The following GALNT18 variants were observed in gnomAD, a reference collection of about 807,000 sequenced individuals.
GALNT18 encodes the protein polypeptide N-acetylgalactosaminyltransferase 18.
Under a neutral mutation model 69.5 loss-of-function variants are expected in GALNT18, and 44 were observed. The ratio of observed to expected loss-of-function variants is 0.63; its 90% CI spans 0.50 to 0.81. The LOEUF (loss-of-function observed/expected upper bound fraction) is 0.81, where lower values mean the gene tolerates loss of function less well. Ranked by LOEUF, GALNT18 falls within the 40% of genes least tolerant of loss-of-function variation. The probability of loss-of-function intolerance (pLI) is 0.00; values close to 1 mark genes in which losing one functional copy is unlikely to be tolerated. For missense variants in GALNT18, 715 were observed against 810.0 expected (o/e 0.88, Z 1.42); for synonymous variants, 364 against 318.2 (o/e 1.14, Z -1.53).
At chr11:11,393,759 C>A (rs915520355) in intron 3 of GALNT18, among the ~76,000 whole-genome samples, 2 of 152,232 alleles carry the variant, frequency 1.3e-5, no homozygotes, top group South Asian at 2.1e-4. Flanking sequence ...CTTCTCACTG[C>A]GCCTTTCAGC....
At chr11:11,434,458 T>C (rs117881227) in intron 2 of GALNT18, among the ~76,000 whole-genome samples, 8 of 152,272 alleles carry the variant, frequency 5.3e-5, no homozygotes, top group Non-Finnish European at 7.4e-5. Flanking sequence ...ATGGAGCTTA[T>C]GCTTTGACAG....
rs1339713679 is a variant in GALNT18 at position 11,340,583 on chromosome 11, A to G, written c.1278+236T>C. Among the ~76,000 whole-genome samples, 13 of 152,232 alleles carry G rather than the reference A, an allele frequency of 8.5e-5. No individual in the cohort carries two copies. The highest frequency in any genetic ancestry group is 7.8e-4 in the Admixed American group (12 of 15,290). On this transcript the variant is annotated intron_variant, in intron 7 of 10. Transcript: ENST00000227756. This position sits in a 1 kb window ranked among gnomAD's most constrained non-coding sequence, Gnocchi z 4.2. Reference sequence around the variant, plus strand: ...ATTTAAAATTAGGACACTAAGATCCAGAGAGAAGTCCTCATCAAGCATGCT... The same window carrying G: ...ATTTAAAATTAGGACACTAAGATCCGGAGAGAAGTCCTCATCAAGCATGCT...
At chr11:11,357,532 C>T (rs1850556558) in intron 6 of GALNT18, among the ~76,000 whole-genome samples, 1 of 152,220 alleles carries the variant, frequency 6.6e-6, no homozygotes, top group African/African-American at 2.4e-5. Context: ...CCAACTATTC[C>T]CCCCAAAGCC....
Position 11,603,412 on chromosome 11 carries a change from A to G in GALNT18, c.235+17947T>C, listed in dbSNP as rs2133949238. 6.6e-6 allele frequency among the ~76,000 whole-genome samples: 1 copy of G among 152,242 alleles called. No individual in the cohort carries two copies. Among genetic ancestry groups the G allele is most frequent in the South Asian group, 2.1e-4 (1 of 4,816 alleles). On this transcript the variant is annotated intron_variant, in intron 1 of 10. Transcript: ENST00000227756. The surrounding 1 kb of genome is among the most constrained non-coding windows in gnomAD (Gnocchi z 4.5). ...AGTGTGGCCTGCCAAAGGTGGGGGAATGTATAGGGCTTTCTCTGAGACTTC... is the reference window on the plus strand; with the variant it reads ...AGTGTGGCCTGCCAAAGGTGGGGGAGTGTATAGGGCTTTCTCTGAGACTTC...
chr11:11,556,721 G>A (rs943215993), intron 1 of GALNT18, among the ~76,000 whole-genome samples: 6 of 152,178 alleles, frequency 3.9e-5, no homozygotes, highest in African/African-American at 1.4e-4. Flanking sequence ...TTCACGATAT[G>A]TCAATGTACA....
intron 10 of GALNT18, among the ~76,000 whole-genome samples, chr11:11,284,233 A>G (rs1849144864): frequency 6.6e-6 from 1 of 152,198 alleles, no homozygotes; most frequent in Non-Finnish European, 1.5e-5. Context: ...ACAGCCAAGC[A>G]TCTTTCTGCC....
intron 3 of GALNT18, among the ~76,000 whole-genome samples, chr11:11,427,348 G>T (rs1350109084): frequency 6.6e-6 from 1 of 152,168 alleles, no homozygotes; most frequent in Non-Finnish European, 1.5e-5. Flanking sequence ...CTGTTCCTCA[G>T]TTCCTGTGTT....
At chr11:11,471,543 T>A (rs1856270089) in intron 1 of GALNT18, among the ~76,000 whole-genome samples, 1 of 152,194 alleles carries the variant, frequency 6.6e-6, no homozygotes, top group Non-Finnish European at 1.5e-5. Context: ...TCTCTTTCAA[T>A]GCTTCCCCCT....
At position 11,383,562 on chromosome 11, in the gene GALNT18, AGCATTTCCC is replaced by A. The variant is rs1853971680; in HGVS notation, c.596-4307_596-4299del. On this transcript the variant is annotated intron_variant, in intron 3 of 10. Transcript: ENST00000227756. This position sits in a 1 kb window ranked among gnomAD's most constrained non-coding sequence, Gnocchi z 5.2. ...TCACCTCTCCCTCAAGGTTCAGATG[AGCATTTCCC>A]ACATCTTCTCTAGGTTTTGGGGACA... Among the ~76,000 whole-genome samples the A allele has an allele frequency of 1.3e-5, 2 of 152,198 alleles. No individual in the cohort carries two copies. The highest frequency in any genetic ancestry group is 4.8e-5 in the African/African-American group (2 of 41,458).
chr11:11,346,605 T>C (rs985485756), intron 6 of GALNT18, among the ~76,000 whole-genome samples: 2 of 152,218 alleles, frequency 1.3e-5, no homozygotes, highest in Non-Finnish European at 2.9e-5. Flanking sequence ...AGCTTCCTCT[T>C]GTGGAACCAT....
At chr11:11,437,602 G>C (rs140785394) in intron 2 of GALNT18, among the ~76,000 whole-genome samples, 1 of 152,096 alleles carries the variant, frequency 6.6e-6, no homozygotes, top group Non-Finnish European at 1.5e-5. Context: ...CCCAGTTCTC[G>C]GCCACCAGAT....
chr11:11,441,569 T>C (rs939054055), intron 2 of GALNT18, among the ~76,000 whole-genome samples: 25 of 152,214 alleles, frequency 1.6e-4, no homozygotes, highest in African/African-American at 6.0e-4. Flanking sequence ...ACCTTGTGAA[T>C]GTTCGGTATT....
chr11:11,608,368 GT>G (rs902829309), intron 1 of GALNT18, among the ~76,000 whole-genome samples: 2 of 150,306 alleles, frequency 1.3e-5, no homozygotes, highest in East Asian at 2.0e-4. Flanking sequence ...TTGTTTTTTG[GT>G]TTTTTTTTGA....
rs1859361444 is a variant in GALNT18, at chr11:11,591,533, A to G, written c.235+29826T>C. 6.6e-6 allele frequency among the ~76,000 whole-genome samples: 1 copy of G among 152,164 alleles called. No individual in the cohort carries two copies. Among genetic ancestry groups the G allele is most frequent in the Non-Finnish European group, 1.5e-5 (1 of 68,032 alleles). ...TAGGCAAGTGGGGAGGGAGACCATA[A>G]CAGCCTCCATTTCTCTTCCTACTTT... On this transcript the variant is annotated intron_variant, in intron 1 of 10. Transcript: ENST00000227756. This position sits in a 1 kb window ranked among gnomAD's most constrained non-coding sequence, Gnocchi z 4.8.
chr11:11,605,349 G>C lies in GALNT18; in HGVS notation c.235+16010C>G, dbSNP rs2133952374. 6.6e-6 allele frequency among the ~76,000 whole-genome samples: 1 copy of C among 152,194 alleles called. No homozygotes were observed. The highest frequency in any genetic ancestry group is 1.5e-5 in the Non-Finnish European group (1 of 68,024). ...AAGAAACACCCTCTTCTGATCTCCG[G>C]GTTGCCCTCTCTCAGCTCCCTCTCC... On this transcript the variant is annotated intron_variant, in intron 1 of 10. Coordinates refer to ENST00000227756, the MANE Select transcript of GALNT18 (RefSeq NM_198516.3). This position sits in a 1 kb window ranked among gnomAD's most constrained non-coding sequence, Gnocchi z 4.7.
rs542731334 is a variant in GALNT18, at chr11:11,545,167, A to G, written c.235+76192T>C. Among the ~76,000 whole-genome samples, 3 of 152,392 alleles carry G rather than the reference A, an allele frequency of 2.0e-5. No individual in the cohort carries two copies. The South Asian group carries it at 6.2e-4, about 32-fold the overall frequency. On this transcript the variant is annotated intron_variant, in intron 1 of 10. Transcript: ENST00000227756. Reference sequence around the variant, plus strand: ...GTAACTTGCTCAAGTTCACATGAATAGCAGGCCTCAATGCCAAGATTCCAA... The same window carrying G: ...GTAACTTGCTCAAGTTCACATGAATGGCAGGCCTCAATGCCAAGATTCCAA...
At chr11:11,417,314 G>A (rs768012491) in intron 3 of GALNT18, among the ~76,000 whole-genome samples, 15 of 152,222 alleles carry the variant, frequency 9.9e-5, no homozygotes, top group Non-Finnish European at 1.5e-4. Context: ...AGCCTATCTG[G>A]AGTGGCTACT....
intron 10 of GALNT18, among the ~76,000 whole-genome samples, chr11:11,287,508 T>C (rs574579706): frequency 2.4e-4 from 37 of 152,166 alleles, no homozygotes; most frequent in Admixed American, 9.2e-4. Context: ...CTCTTCCCTC[T>C]CCCTCCACTG....
chr11:11,511,121 C>CT lies in GALNT18; in HGVS notation c.236-62186_236-62185insA, dbSNP rs1554945443. ...GGCTGCAGCTGAAGGCCTTCTCTCCCGGGGGTTGTAAAAACAGGCTGCCCC... is the reference window on the plus strand; with the variant it reads ...GGCTGCAGCTGAAGGCCTTCTCTCCCTGGGGGTTGTAAAAACAGGCTGCCCC... On this transcript the variant is annotated intron_variant, in intron 1 of 10. Transcript: ENST00000227756. This position sits in a 1 kb window ranked among gnomAD's most constrained non-coding sequence, Gnocchi z 4.9. 6.6e-6 allele frequency among the ~76,000 whole-genome samples: 1 copy of CT among 152,098 alleles called. No individual in the cohort carries two copies. Among genetic ancestry groups the CT allele is most frequent in the Non-Finnish European group, 1.5e-5 (1 of 68,006 alleles).
Sources: gnomAD v4.1 joint callset for allele counts (sites outside exome capture counted in the v4.1 genomes callset) on GRCh38, gnomAD v4.1.1 for gene constraint, Gnocchi (gnomAD v3.1) non-coding constraint, MANE v1.5 for transcripts, NCBI Gene and HGNC (gene_info 2026-07-23, HGNC 2026-07-21) for gene names.